The following OSBPL9 variants were observed in gnomAD, a reference collection of about 807,000 sequenced individuals.
The protein encoded by OSBPL9 is oxysterol binding protein like 9.
Under a neutral mutation model 106.6 loss-of-function variants are expected in OSBPL9, and 40 were observed. The ratio of observed to expected loss-of-function variants is 0.38; its 90% CI spans 0.29 to 0.49. OSBPL9 has a LOEUF of 0.49. Ranked by LOEUF, OSBPL9 falls within the 20% of genes least tolerant of loss-of-function variation. The pLI, the probability that OSBPL9 is intolerant of heterozygous loss-of-function variation, is 0.97. For synonymous variants in OSBPL9, 269 were observed against 295.4 expected (o/e 0.91, Z 0.92); for missense variants, 609 against 887.2 (o/e 0.69, Z 3.98).
intron 3 of OSBPL9, among the ~76,000 whole-genome samples, chr1:51,678,862 T>C (rs1651895351): frequency 2.0e-5 from 3 of 152,164 alleles, no homozygotes; most frequent in African/African-American, 7.2e-5. Flanking sequence ...GACTAAACCA[T>C]GGTTGCAGGC....
chr1:51,717,026 C>T (rs1390226750), intron 4 of OSBPL9, among the ~76,000 whole-genome samples: 4 of 151,802 alleles, frequency 2.6e-5, no homozygotes, highest in Non-Finnish European at 5.9e-5. Flanking sequence ...ATTGCAGTGG[C>T]ACAATCACAG....
intron 2 of OSBPL9, among the ~76,000 whole-genome samples, chr1:51,663,583 G>A (rs1020994583): frequency 6.6e-6 from 1 of 152,178 alleles, no homozygotes; most frequent in Non-Finnish European, 1.5e-5. Context: ...TCATGGCCTT[G>A]GGACTGGGAA....
At chr1:51,720,583 A>G (rs938098254) in intron 4 of OSBPL9, among the ~76,000 whole-genome samples, 1 of 152,042 alleles carries the variant, frequency 6.6e-6, no homozygotes, top group Non-Finnish European at 1.5e-5. Context: ...TCTGCCTCCC[A>G]AAGTGCTGTG....
chr1:51,704,397 A>G (rs967133185), intron 3 of OSBPL9, among the ~76,000 whole-genome samples: 2 of 152,008 alleles, frequency 1.3e-5, no homozygotes, highest in African/African-American at 4.8e-5. Flanking sequence ...GAATTTATCC[A>G]TTTCTTCTAG....
chr1:51,556,836 TAC>T, the OSBPL9 span, among the ~76,000 whole-genome samples: 1 of 149,422 alleles, frequency 6.7e-6, no homozygotes, highest in Non-Finnish European at 1.5e-5. Context: ...TGTATATATA[TAC>T]ATATATATGT....
upstream of OSBPL9, among the ~76,000 whole-genome samples, chr1:51,572,797 A>T (rs1645158206): frequency 6.6e-6 from 1 of 152,252 alleles, no homozygotes; most frequent in East Asian, 1.9e-4. Flanking sequence ...CCTGTTATTC[A>T]ATGAATGGAC....
the OSBPL9 span, among the ~76,000 whole-genome samples, chr1:51,524,254 C>T: frequency 3.9e-5 from 6 of 152,214 alleles, no homozygotes; most frequent in Non-Finnish European, 7.3e-5. Flanking sequence ...GCCATACACA[C>T]GCAGGGTGTG....
At chr1:51,757,294 T>C (rs1015960952) in intron 9 of OSBPL9, among the ~76,000 whole-genome samples, 1 of 152,078 alleles carries the variant, frequency 6.6e-6, no homozygotes, top group African/African-American at 2.4e-5. Context: ...ATATCAGAAT[T>C]TTTGTCAGTT....
chr1:51,521,768 A>T, the OSBPL9 span, among the ~76,000 whole-genome samples: 1 of 152,040 alleles, frequency 6.6e-6, no homozygotes, highest in Middle Eastern at 3.4e-3. Context: ...TTTTATTTTT[A>T]TTTTTTTGAG....
chr1:51,685,908 A>G (rs1653689557), intron 3 of OSBPL9, among the ~76,000 whole-genome samples: 1 of 152,208 alleles, frequency 6.6e-6, no homozygotes, highest in Non-Finnish European at 1.5e-5. Flanking sequence ...CCCAGGAAAA[A>G]AGAAATCGAG....
intron 3 of OSBPL9, among the ~76,000 whole-genome samples, chr1:51,712,975 A>G (rs1660367619): frequency 6.6e-6 from 1 of 152,150 alleles, no homozygotes; most frequent in South Asian, 2.1e-4. Flanking sequence ...CACCCATATG[A>G]CCAAGCAATT....
chr1:51,611,108 C>T (rs748410107), intron 2 of OSBPL9, among the ~76,000 whole-genome samples: 4 of 152,210 alleles, frequency 2.6e-5, no homozygotes, highest in Non-Finnish European at 4.4e-5. Flanking sequence ...TTCCTCTTTT[C>T]TTTCCTTAGA....
chr1:51,549,608 G>A, the OSBPL9 span, among the ~76,000 whole-genome samples: 1 of 152,200 alleles, frequency 6.6e-6, no homozygotes, highest in South Asian at 2.1e-4. Flanking sequence ...GAGATGGGCA[G>A]ATCACTTGAG....
At chr1:51,723,327 G>T (rs984201924) in intron 4 of OSBPL9, among the ~76,000 whole-genome samples, 1 of 152,026 alleles carries the variant, frequency 6.6e-6, no homozygotes, top group African/African-American at 2.4e-5. Context: ...CTCATCCCTG[G>T]CAACCACTGA....
intron 6 of OSBPL9, among the ~76,000 whole-genome samples, chr1:51,748,158 C>T (rs570603448): frequency 1.3e-5 from 2 of 152,060 alleles, no homozygotes; most frequent in Non-Finnish European, 2.9e-5. Flanking sequence ...TTAAAGAGAA[C>T]ATATAATTCA....
Position 51,729,863 on chromosome 1 carries a change from GACCGCCTGC to G in OSBPL9, c.319-15667_319-15659del. ...GGGGGACGGGCTGAACCTCAGTCAG[GACCGCCTGC>G]ACCGCAGTCCGGGGATCGGGTCGAG... On this transcript the variant is annotated intron_variant, in intron 4 of 23. Coordinates refer to ENST00000428468, the MANE Select transcript of OSBPL9 (RefSeq NM_024586.6). The surrounding 1 kb of genome is among the most constrained non-coding windows in gnomAD (Gnocchi z 5.1). 5.6e-6 allele frequency: 7 copies of G among 1,249,638 alleles called. No homozygotes were observed. Among genetic ancestry groups the G allele is most frequent in the Non-Finnish European group, 7.1e-6 (7 of 989,548 alleles). The allele number at this position is 1,249,638 out of a possible 1,614,324, so 77.4% of individuals were successfully genotyped here.
intron 3 of OSBPL9, among the ~76,000 whole-genome samples, chr1:51,698,751 A>G (rs1656627559): frequency 6.6e-6 from 1 of 152,250 alleles, no homozygotes; most frequent in South Asian, 2.1e-4. Flanking sequence ...TGTTTTAACT[A>G]GCTCATTAAG....
chr1:51,553,572 C>CTACAATGCACTACAG, the OSBPL9 span, among the ~76,000 whole-genome samples: 2 of 151,940 alleles, frequency 1.3e-5, no homozygotes, highest in South Asian at 4.1e-4. Flanking sequence ...CTCAGTAGCT[C>CTACAATGCACTACAG]CCTTCTAGAT....
At chr1:51,573,773 C>T (rs189015391), upstream of OSBPL9, among the ~76,000 whole-genome samples, 320 of 148,134 alleles carry the variant, frequency 2.2e-3, 1 homozygote, top group Admixed American at 3.4e-3. Flanking sequence ...GAGATTGCAC[C>T]ATTGCACTCC....
Sources: allele counts gnomAD v4.1 joint callset (sites outside exome capture counted in the v4.1 genomes callset), GRCh38; gene constraint gnomAD v4.1.1; non-coding constraint Gnocchi (gnomAD v3.1); transcripts MANE v1.5; gene names NCBI Gene and HGNC (gene_info 2026-07-23, HGNC 2026-07-21).